DPP6: variants seen among roughly 807,000 people sequenced by gnomAD.
DPP6 encodes the protein A-type potassium channel modulatory protein DPP6.
In DPP6, 69 loss-of-function variants were observed where a neutral mutation model predicts 122.6. The observed-to-expected ratio is 0.56, with a 90% CI of 0.46 to 0.69. The LOEUF (loss-of-function observed/expected upper bound fraction) is 0.69, where lower values mean the gene tolerates loss of function less well. Ranked by LOEUF, DPP6 falls within the 30% of genes least tolerant of loss-of-function variation. The pLI, the probability that DPP6 is intolerant of heterozygous loss-of-function variation, is 0.00. For synonymous variants in DPP6, 418 were observed against 433.1 expected, an observed-to-expected ratio of 0.97 and a Z score of 0.43; for missense variants, 928 against 1,116.9, an observed-to-expected ratio of 0.83 and a Z score of 2.41.
chr7:154,752,122 A>C (rs562969064), intron 8 of DPP6, among the ~76,000 whole-genome samples: 9 of 152,290 alleles, frequency 5.9e-5, no homozygotes, highest in African/African-American at 2.2e-4. Context: ...TGTCTATGTA[A>C]AGACTGAACT....
chr7:154,848,265 G>C (rs1296969128), intron 16 of DPP6, among the ~76,000 whole-genome samples: 3 of 152,070 alleles, frequency 2.0e-5, no homozygotes, highest in Non-Finnish European at 2.9e-5. Flanking sequence ...TTATGAAATA[G>C]TTTTACTAAT....
At chr7:154,284,885 T>G (rs979428339) in intron 1 of DPP6, among the ~76,000 whole-genome samples, 1 of 152,020 alleles carries the variant, frequency 6.6e-6, no homozygotes, top group Non-Finnish European at 1.5e-5. Context: ...AAAAACATTA[T>G]GCCAAATGAC....
chr7:154,162,370 A>G (rs540955640), intron 1 of DPP6, among the ~76,000 whole-genome samples: 55 of 152,366 alleles, frequency 3.6e-4, no homozygotes, highest in African/African-American at 1.2e-3. Flanking sequence ...TATGAAGTGA[A>G]TAACCCACAA....
intron 1 of DPP6, among the ~76,000 whole-genome samples, chr7:154,363,060 C>T (rs994252404): frequency 6.6e-6 from 1 of 152,168 alleles, no homozygotes; most frequent in Non-Finnish European, 1.5e-5. Context: ...CTCCTCCCCT[C>T]CACCCATTGT....
At chr7:154,316,817 G>A (rs1807468857) in intron 1 of DPP6, among the ~76,000 whole-genome samples, 2 of 152,138 alleles carry the variant, frequency 1.3e-5, no homozygotes, top group African/African-American at 4.8e-5. Flanking sequence ...TACAGTTTGG[G>A]AGAATGGGGG....
chr7:154,280,121 T>G (rs1804405602), intron 1 of DPP6, among the ~76,000 whole-genome samples: 1 of 152,222 alleles, frequency 6.6e-6, no homozygotes, highest in Non-Finnish European at 1.5e-5. Context: ...GAAGTCACTC[T>G]GAAATTCATG....
chr7:154,081,540 G>A (rs1383621954), intron 1 of DPP6, among the ~76,000 whole-genome samples: 1 of 146,230 alleles, frequency 6.8e-6, no homozygotes, highest in Non-Finnish European at 1.5e-5. Flanking sequence ...TTAGAAGCTG[G>A]AGGAGGGAGC....
chr7:154,718,167 G>A (rs35907432), intron 7 of DPP6, among the ~76,000 whole-genome samples: 31,314 of 152,082 alleles, frequency 0.21, 3,599 homozygotes, highest in Non-Finnish European at 0.26. Flanking sequence ...CGTCAGATGC[G>A]TCGTTTGCAG....
intron 1 of DPP6, among the ~76,000 whole-genome samples, chr7:154,280,988 TTTATTTATTTATTTA>T (rs1184885852): frequency 1.9e-5 from 1 of 53,870 alleles, no homozygotes; most frequent in Non-Finnish European, 6.0e-5. Flanking sequence ...TCTTATTTTA[TTTATTTATTTATTTA>T]TTTATTTATT....
intron 2 of DPP6, among the ~76,000 whole-genome samples, chr7:154,452,304 G>A (rs1467166314): frequency 6.6e-6 from 1 of 152,238 alleles, no homozygotes; most frequent in Non-Finnish European, 1.5e-5. Context: ...GTGGAGGCCT[G>A]TTGAGTTGTG....
At chr7:154,433,077 T>C (rs1818558518) in intron 1 of DPP6, among the ~76,000 whole-genome samples, 1 of 151,476 alleles carries the variant, frequency 6.6e-6, no homozygotes. Context: ...CAAACTGACT[T>C]ATCCAGGTTA....
At chr7:153,823,746 A>C in the DPP6 span, among the ~76,000 whole-genome samples, 1 of 152,030 alleles carries the variant, frequency 6.6e-6, no homozygotes, top group Admixed American at 6.6e-5. Flanking sequence ...CAGTCGTTGA[A>C]TCTGCATGCT....
At chr7:154,476,922 C>A (rs2151354640) in intron 3 of DPP6, among the ~76,000 whole-genome samples, 1 of 152,138 alleles carries the variant, frequency 6.6e-6, no homozygotes, top group Middle Eastern at 3.4e-3. Context: ...TGAAACGTCA[C>A]CTTTATAAAA....
chr7:154,551,211 CAAAA>C (rs1335032372), intron 4 of DPP6, among the ~76,000 whole-genome samples: 1 of 152,170 alleles, frequency 6.6e-6, no homozygotes. Flanking sequence ...ATAACAAAGA[CAAAA>C]TCTCCAAGTA....
chr7:154,218,968 AT>A (rs1483352389), intron 1 of DPP6, among the ~76,000 whole-genome samples: 1 of 152,194 alleles, frequency 6.6e-6, no homozygotes, highest in East Asian at 1.9e-4. Flanking sequence ...CTGTACACAT[AT>A]TGAAGATATA....
the DPP6 span, among the ~76,000 whole-genome samples, chr7:153,766,548 T>C: frequency 1.4e-4 from 22 of 152,328 alleles, no homozygotes; most frequent in Admixed American, 8.5e-4. Context: ...TTATTAATGA[T>C]GATGCTGCAG....
chr7:153,792,614 T>C, the DPP6 span, among the ~76,000 whole-genome samples: 18 of 152,370 alleles, frequency 1.2e-4, no homozygotes, highest in East Asian at 3.1e-3. Context: ...TTGTCCACTT[T>C]GTTGAAATTG....
chr7:154,867,948 A>G (rs371358316), intron 17 of DPP6, 47 bp from the exon 18 acceptor site: 72 of 1,547,220 alleles, frequency 4.7e-5, no homozygotes, highest in Non-Finnish European at 5.8e-5. Flanking sequence ...GAGGTCCTCC[A>G]TGAGTGACCA....
chr7:153,963,149 TA>T (rs1795444104), intron 1 of DPP6, among the ~76,000 whole-genome samples: 1 of 151,404 alleles, frequency 6.6e-6, no homozygotes, highest in African/African-American at 2.4e-5. Context: ...AAAATGAGAG[TA>T]AAAGGGAAGC....
Sources: allele counts gnomAD v4.1 joint callset (sites outside exome capture counted in the v4.1 genomes callset), GRCh38; gene constraint gnomAD v4.1.1; transcripts MANE v1.5; gene names NCBI Gene and HGNC (gene_info 2026-07-23, HGNC 2026-07-21).